The following CDK13 variants were observed in gnomAD, a reference collection of about 807,000 sequenced individuals.
CDK13 encodes the protein cyclin dependent kinase 13, also known as cyclin-dependent kinase 13.
CDK13 carries 40 observed loss-of-function variants against 137.6 expected under a neutral mutation model. That is an observed-to-expected ratio of 0.29 (90% CI 0.23 to 0.38). The LOEUF is 0.38. CDK13 is among the 10% of genes least tolerant of loss of function. The pLI, the probability that CDK13 is intolerant of heterozygous loss-of-function variation, is 1.00. For synonymous variants in CDK13, 869 were observed against 760.1 expected (o/e 1.14, Z -2.36); for missense variants, 1,704 against 1,951.8 (o/e 0.87, Z 2.39).
intron 1 of CDK13, among the ~76,000 whole-genome samples, chr7:39,970,969 T>G (rs933900046): frequency 6.6e-5 from 10 of 152,250 alleles, no homozygotes; most frequent in Admixed American, 1.3e-4. Context: ...GGTCTGCTTT[T>G]TCTATGTCTG....
At chr7:40,042,477 C>CTTTTTTTTTTTTTTT (rs5883713) in intron 5 of CDK13, among the ~76,000 whole-genome samples, 23 of 76,118 alleles carry the variant, frequency 3.0e-4, no homozygotes, top group East Asian at 1.0e-3. Context: ...TCTTTTCTTT[C>CTTTTTTTTTTTTTTT]TTTTTTTTTT....
chr7:39,997,188 T>A (rs897430605), intron 2 of CDK13, among the ~76,000 whole-genome samples: 4 of 152,128 alleles, frequency 2.6e-5, no homozygotes, highest in Non-Finnish European at 5.9e-5. Context: ...ACTGTTAATA[T>A]CTTACATCAG....
rs371990726 is a variant in CDK13, at chr7:40,041,465, G to A, written c.2354-4371G>A. Among the ~76,000 whole-genome samples the A allele has an allele frequency of 7.2e-4, 110 of 152,128 alleles. 2 individuals are homozygous for A. In the South Asian group the frequency reaches 0.016, roughly 23 times the overall value. On this transcript the variant is annotated intron_variant, in intron 5 of 13. Transcript: ENST00000181839. Reference sequence around the variant, plus strand: ...GTCTTCAAAATTCAGTATGTGTTTTGCACTCATAGCATTTTTATTTTTAAT... The same window carrying A: ...GTCTTCAAAATTCAGTATGTGTTTTACACTCATAGCATTTTTATTTTTAAT...
chr7:39,984,445 T>A (rs999608687), intron 1 of CDK13: 1 of 152,240 alleles, frequency 6.6e-6, no homozygotes, highest in Non-Finnish European at 1.5e-5. Context: ...ATTTATTATT[T>A]TTTTTGAATT....
At chr7:40,074,621 C>A (rs1368466453) in intron 9 of CDK13, among the ~76,000 whole-genome samples, 2 of 150,678 alleles carry the variant, frequency 1.3e-5, no homozygotes, top group Non-Finnish European at 1.5e-5. Context: ...CTTTGATAGA[C>A]TGAGGCAGGA....
chr7:39,980,099 T>G (rs1254779749), intron 1 of CDK13, among the ~76,000 whole-genome samples: 1 of 152,232 alleles, frequency 6.6e-6, no homozygotes, highest in Non-Finnish European at 1.5e-5. Flanking sequence ...TGTGGAGTTT[T>G]CTGTTACAAC....
At chr7:39,989,770 T>G (rs1327889797) in intron 2 of CDK13, among the ~76,000 whole-genome samples, 1 of 151,976 alleles carries the variant, frequency 6.6e-6, no homozygotes, top group Non-Finnish European at 1.5e-5. Context: ...AGACTGGTGT[T>G]TCTCTACTTT....
chr7:40,007,593 T>A (rs1274225324), intron 5 of CDK13, among the ~76,000 whole-genome samples: 2 of 151,882 alleles, frequency 1.3e-5, no homozygotes, highest in African/African-American at 4.8e-5. Flanking sequence ...ACCCAGCTAA[T>A]TTTTTTCTAT....
intron 11 of CDK13, among the ~76,000 whole-genome samples, chr7:40,079,873 A>G (rs1562763994): frequency 1.3e-5 from 2 of 152,176 alleles, no homozygotes; most frequent in Admixed American, 6.5e-5. Context: ...TGTAACTTCA[A>G]ATGGCTCCTG....
chr7:40,032,213 C>T (rs768342214), intron 5 of CDK13, among the ~76,000 whole-genome samples: 12 of 152,114 alleles, frequency 7.9e-5, no homozygotes, highest in Non-Finnish European at 1.0e-4. Context: ...CATGCCACTG[C>T]ACCTGGCTAA....
At chr7:40,012,549 A>G (rs1045672312) in intron 5 of CDK13, among the ~76,000 whole-genome samples, 1 of 152,086 alleles carries the variant, frequency 6.6e-6, no homozygotes, top group African/African-American at 2.4e-5. Flanking sequence ...GCAGTGAGCT[A>G]TGATCACTCC....
intron 12 of CDK13, among the ~76,000 whole-genome samples, chr7:40,092,047 A>G (rs949253687): frequency 6.6e-6 from 1 of 152,160 alleles, no homozygotes; most frequent in Admixed American, 6.5e-5. Flanking sequence ...AGTTAATACT[A>G]TCATATGCAT....
intron 5 of CDK13, among the ~76,000 whole-genome samples, chr7:40,018,202 T>C (rs1490493495): frequency 6.6e-6 from 1 of 152,112 alleles, no homozygotes; most frequent in Non-Finnish European, 1.5e-5. Context: ...AAAAAATTGG[T>C]CAGGGTGTGG....
Position 39,987,856 on chromosome 7 carries a change from C to T in CDK13, c.1469C>T (p.Ser490Leu). The T allele has an allele frequency of 4.3e-6, 7 of 1,614,240 alleles. No individual in the cohort carries two copies. Among genetic ancestry groups the T allele is most frequent in the Non-Finnish European group, 5.1e-6 (6 of 1,180,050 alleles). Reference protein sequence around the residue: ...AEAAAKAAKASNTSTPTKGNT... With the variant: ...AEAAAKAAKALNTSTPTKGNT... ...GCTGCTGCCAAGGCTGCAAAAGCTT[C>T]AAACACTTCTACACCTACCAAGGGG... is the stretch of plus-strand genomic sequence containing the variant. The change falls in exon 2 of 14, where the codon TCA (serine) becomes TTA (leucine). Residue 490 changes from serine (S) to leucine (L), a missense_variant. This residue lies in a region of CDK13 where 1,051 missense variants were observed against 931.0 expected (regional missense o/e 1.13). Coordinates refer to ENST00000181839, the MANE Select transcript of CDK13 (RefSeq NM_003718.5).
chr7:39,953,240 ATGTT>A (rs1473107713), intron 1 of CDK13, among the ~76,000 whole-genome samples: 6 of 152,222 alleles, frequency 3.9e-5, no homozygotes, highest in Admixed American at 3.9e-4. Context: ...CATACTTAAA[ATGTT>A]AGTTGATACC....
At chr7:40,024,225 C>T (rs564118784) in intron 5 of CDK13, among the ~76,000 whole-genome samples, 16 of 152,292 alleles carry the variant, frequency 1.1e-4, no homozygotes, top group African/African-American at 3.4e-4. Context: ...TTACCTTCAG[C>T]GCTAACCCTA....
chr7:40,053,179 CT>C (rs1562751104), intron 7 of CDK13, among the ~76,000 whole-genome samples: 2 of 152,106 alleles, frequency 1.3e-5, no homozygotes, highest in African/African-American at 2.4e-5. Context: ...GACATTACTG[CT>C]GAATACTTAC....
chr7:40,027,769 C>T (rs1785276624), intron 5 of CDK13, among the ~76,000 whole-genome samples: 1 of 148,236 alleles, frequency 6.7e-6, no homozygotes, highest in East Asian at 2.0e-4. Flanking sequence ...GCAGTTGGAG[C>T]CTTACAGTTC....
intron 11 of CDK13, among the ~76,000 whole-genome samples, chr7:40,084,427 G>A (rs894410959): frequency 5.3e-5 from 8 of 152,162 alleles, no homozygotes. Context: ...GCAATGAGCT[G>A]AGATCACACC....
Sources: allele counts gnomAD v4.1 joint callset (sites outside exome capture counted in the v4.1 genomes callset), GRCh38; gene constraint gnomAD v4.1.1; regional missense constraint gnomAD v4.1.1; transcripts MANE v1.5; gene names NCBI Gene and HGNC (gene_info 2026-07-23, HGNC 2026-07-21).